MICU1: variants seen among roughly 807,000 people sequenced by gnomAD.
The protein encoded by MICU1 is calcium uptake protein 1, mitochondrial.
A neutral mutation model predicts 56.8 loss-of-function variants in MICU1; 45 were observed. The ratio of observed to expected loss-of-function variants is 0.79; its 90% CI spans 0.62 to 1.02. The LOEUF is 1.02. Among genes scored for constraint, MICU1 ranks in the 50% least tolerant of loss-of-function variants. The probability of loss-of-function intolerance (pLI) is 0.00; values close to 1 mark genes in which losing one functional copy is unlikely to be tolerated. For synonymous variants in MICU1, 186 were observed against 195.1 expected (o/e 0.95, Z 0.39); for missense variants, 504 against 587.1 (o/e 0.86, Z 1.46).
chr10:72,395,352 T>G (rs1863213824), intron 10 of MICU1, among the ~76,000 whole-genome samples: 2 of 152,120 alleles, frequency 1.3e-5, no homozygotes, highest in Admixed American at 1.3e-4. Context: ...GGTCTGCAGC[T>G]CCCAGTGTGA....
intron 8 of MICU1, among the ~76,000 whole-genome samples, chr10:72,461,657 A>G (rs1310035294): frequency 6.6e-6 from 1 of 152,216 alleles, no homozygotes; most frequent in Non-Finnish European, 1.5e-5. Context: ...AGTAGTTAAG[A>G]AAAGACTCTG....
chr10:72,537,867 T>C (rs1179405215), intron 4 of MICU1, among the ~76,000 whole-genome samples: 1 of 152,164 alleles, frequency 6.6e-6, no homozygotes, highest in African/African-American at 2.4e-5. Flanking sequence ...CAACTGACTT[T>C]GTCAAACTCA....
intron 8 of MICU1, among the ~76,000 whole-genome samples, chr10:72,446,010 T>C (rs1270024225): frequency 6.6e-6 from 1 of 152,170 alleles, no homozygotes; most frequent in Non-Finnish European, 1.5e-5. Flanking sequence ...AAATTGCTAT[T>C]GGCTAAGGAG....
At chr10:72,479,550 A>G (rs1866226079) in intron 6 of MICU1, among the ~76,000 whole-genome samples, 1 of 152,142 alleles carries the variant, frequency 6.6e-6, no homozygotes, top group South Asian at 2.1e-4. Context: ...GTTTTTTGGG[A>G]CAGGGTCTTG....
chr10:72,378,197 G>A (rs1273406844), intron 10 of MICU1, among the ~76,000 whole-genome samples: 1 of 152,194 alleles, frequency 6.6e-6, no homozygotes, highest in Non-Finnish European at 1.5e-5. Flanking sequence ...AGGTTGCAGT[G>A]AGCCAAGACT....
In MICU1 at chr10:72,510,390, T is replaced by C. The variant is rs116685176; in HGVS notation, c.538-2121A>G. Among the ~76,000 whole-genome samples, 1,239 of 152,294 alleles carry C rather than the reference T, an allele frequency of 8.1e-3. 15 individuals carry two copies. Among genetic ancestry groups the C allele is most frequent in the African/African-American group, 0.028 (1,167 of 41,548 alleles). On this transcript the variant is annotated intron_variant, in intron 5 of 11. Transcript: ENST00000361114. Reference sequence around the variant, plus strand: ...GCCTTGTATTTTTTCAACATGCCACTTTGAAAGTAAATTGGAGACATCATG... The same window carrying C: ...GCCTTGTATTTTTTCAACATGCCACCTTGAAAGTAAATTGGAGACATCATG...
chr10:72,529,326 G>GGGGGAAAGGGGAATCAATAGT, intron 5 of MICU1, among the ~76,000 whole-genome samples: 1 of 152,210 alleles, frequency 6.6e-6, no homozygotes, highest in Middle Eastern at 3.4e-3. Flanking sequence ...GAATCAATAG[G>GGGGGAAAGGGGAATCAATAGT]TAGGAAAGAA....
chr10:72,617,831 C>G (rs1057192711), intron 1 of MICU1, among the ~76,000 whole-genome samples: 1 of 151,980 alleles, frequency 6.6e-6, no homozygotes, highest in Non-Finnish European at 1.5e-5. Context: ...GACCCCAACT[C>G]AAAACAACAA....
intron 4 of MICU1, among the ~76,000 whole-genome samples, chr10:72,534,116 T>C (rs373120155): frequency 1.3e-5 from 2 of 151,878 alleles, no homozygotes; most frequent in East Asian, 3.9e-4. Context: ...ATATTACTTT[T>C]CATTTAGGTA....
intron 8 of MICU1, among the ~76,000 whole-genome samples, chr10:72,434,361 TA>T (rs1396855075): frequency 6.6e-6 from 1 of 152,140 alleles, no homozygotes; most frequent in Non-Finnish European, 1.5e-5. Flanking sequence ...GAATAAGCCT[TA>T]AACTCTGGCA....
chr10:72,416,729 A>C (rs1013851611), intron 9 of MICU1, among the ~76,000 whole-genome samples: 4 of 152,172 alleles, frequency 2.6e-5, no homozygotes, highest in African/African-American at 9.7e-5. Flanking sequence ...TTTAAGGCCA[A>C]GTTCGAATTG....
At chr10:72,506,858 T>C (rs1390804413) in intron 6 of MICU1, among the ~76,000 whole-genome samples, 1 of 152,230 alleles carries the variant, frequency 6.6e-6, no homozygotes. Context: ...GGAGTTATTT[T>C]GGATTTTCAT....
chr10:72,568,745 T>A (rs1840509933), intron 1 of MICU1, among the ~76,000 whole-genome samples: 1 of 126,382 alleles, frequency 7.9e-6, no homozygotes, highest in Non-Finnish European at 1.6e-5. Context: ...GAAGTTCTTA[T>A]TCTTTTTTTT....
intron 1 of MICU1, among the ~76,000 whole-genome samples, chr10:72,618,291 G>T (rs1372483219): frequency 6.6e-6 from 1 of 151,836 alleles, no homozygotes; most frequent in Non-Finnish European, 1.5e-5. Flanking sequence ...TTGAAATGAG[G>T]TCTCACTATG....
intron 5 of MICU1, among the ~76,000 whole-genome samples, chr10:72,520,701 A>G (rs1451861442): frequency 1.3e-5 from 2 of 152,166 alleles, no homozygotes; most frequent in Non-Finnish European, 2.9e-5. Context: ...GGCTTCAAAG[A>G]TGGTACAAAT....
At chr10:72,430,662 G>A (rs1385729237) in intron 8 of MICU1, among the ~76,000 whole-genome samples, 1 of 152,126 alleles carries the variant, frequency 6.6e-6, no homozygotes, top group East Asian at 1.9e-4. Flanking sequence ...CCAGGTTCAA[G>A]CAATTCTCCT....
chr10:72,368,986 G>A (rs1862237346), intron 11 of MICU1, among the ~76,000 whole-genome samples: 1 of 152,114 alleles, frequency 6.6e-6, no homozygotes, highest in South Asian at 2.1e-4. Flanking sequence ...AACTAAGGAG[G>A]AAGGCAGGGA....
intron 1 of MICU1, among the ~76,000 whole-genome samples, chr10:72,576,629 C>T (rs1049582047): frequency 6.6e-6 from 1 of 152,196 alleles, no homozygotes; most frequent in African/African-American, 2.4e-5. Context: ...GGTGAAGCAG[C>T]AAGTTATCCA....
At chr10:72,617,284 AC>A (rs745670500) in intron 1 of MICU1, among the ~76,000 whole-genome samples, 8 of 150,938 alleles carry the variant, frequency 5.3e-5, no homozygotes, top group Admixed American at 2.6e-4. Flanking sequence ...GTTGTACTCA[AC>A]AAATTTAACC....
Sources: gnomAD v4.1 joint callset for allele counts (sites outside exome capture counted in the v4.1 genomes callset) on GRCh38, gnomAD v4.1.1 for gene constraint, MANE v1.5 for transcripts, NCBI Gene and HGNC (gene_info 2026-07-23, HGNC 2026-07-21) for gene names.